NUDCD3: variants seen among roughly 807,000 people sequenced by gnomAD.
The protein encoded by NUDCD3 is nudC domain-containing protein 3.
Under a neutral mutation model 39.7 loss-of-function variants are expected in NUDCD3, and 13 were observed. The observed-to-expected ratio is 0.33, with a 90% CI of 0.21 to 0.52. The LOEUF (loss-of-function observed/expected upper bound fraction) is 0.52. NUDCD3 is among the 20% of genes least tolerant of loss of function. The probability of loss-of-function intolerance (pLI) is 0.96; values close to 1 mark genes in which losing one functional copy is unlikely to be tolerated. For missense variants in NUDCD3, 453 were observed against 458.1 expected (o/e 0.99, Z 0.10); for synonymous variants, 175 against 172.4 (o/e 1.02, Z -0.12).
chr7:44,429,778 T>C (rs973519478), intron 2 of NUDCD3, among the ~76,000 whole-genome samples: 1 of 152,078 alleles, frequency 6.6e-6, no homozygotes, highest in Non-Finnish European at 1.5e-5. Context: ...AACCAGGAGT[T>C]ACATAGGATT....
rs1031929217 is a variant in NUDCD3 at position 44,447,539 on chromosome 7, G to A, written c.510-19836C>T. Among the ~76,000 whole-genome samples, 55 of 152,198 alleles carry A rather than the reference G, an allele frequency of 3.6e-4. 1 individual carries two copies. The highest frequency in any genetic ancestry group is 1.3e-3 in the African/African-American group (54 of 41,456). ...TCCCCTTCTGTCCCTGTCACCACGT[G>A]AGGACACAGCATTCCACCCCTCCAA... On this transcript the variant is annotated intron_variant, in intron 2 of 5. Coordinates refer to ENST00000355451, the MANE Select transcript of NUDCD3 (RefSeq NM_015332.4).
At chr7:44,392,725 G>A (rs1193039791) in intron 4 of NUDCD3, among the ~76,000 whole-genome samples, 1 of 152,082 alleles carries the variant, frequency 6.6e-6, no homozygotes, top group African/African-American at 2.4e-5. Context: ...CATACCTGAG[G>A]GGACTGACAT....
intron 2 of NUDCD3, among the ~76,000 whole-genome samples, chr7:44,433,446 T>TTG (rs1413159803): frequency 6.6e-6 from 1 of 151,818 alleles, no homozygotes; most frequent in Non-Finnish European, 1.5e-5. Flanking sequence ...TGTGTGCAGT[T>TTG]TGTGTGTGTG....
chr7:44,404,505 T>C lies in NUDCD3; in HGVS notation c.721A>G (p.Lys241Glu). ...ENGERVLMEG[K>E]LTHKINTESS... ...TCAGTGTTGATCTTGTGGGTGAGCT[T>C]CCCTTCCATGAGGACGCGCTCCCCA... Residue 241 changes from lysine (K) to glutamate (E), a missense_variant, in exon 4 of 6, where the codon AAG (lysine) becomes GAG (glutamate). Physicochemically the swap from Lys to Glu is moderately conservative, Grantham distance 56 (BLOSUM62 1). Transcript: ENST00000355451. 6.2e-7 allele frequency: 1 copy of C among 1,613,928 alleles called. No homozygotes were observed. Among genetic ancestry groups the C allele is most frequent in the Non-Finnish European group, 8.5e-7 (1 of 1,179,974 alleles).
chr7:44,420,082 A>C (rs1261791149), intron 3 of NUDCD3, among the ~76,000 whole-genome samples: 2 of 152,106 alleles, frequency 1.3e-5, no homozygotes, highest in Non-Finnish European at 2.9e-5. Flanking sequence ...AACCCAATGC[A>C]AAAAAGCTAA....
At chr7:44,397,151 G>A (rs1482516772) in intron 4 of NUDCD3, among the ~76,000 whole-genome samples, 1 of 152,166 alleles carries the variant, frequency 6.6e-6, no homozygotes, top group Non-Finnish European at 1.5e-5. Context: ...TCCGTGTCCA[G>A]AATGTCACAT....
At chr7:44,442,960 C>T (rs1799619470) in intron 2 of NUDCD3, among the ~76,000 whole-genome samples, 1 of 152,086 alleles carries the variant, frequency 6.6e-6, no homozygotes, top group African/African-American at 2.4e-5. Context: ...CCTTGGCCTC[C>T]CAAAGTGCTG....
chr7:44,426,263 G>A, intron 3 of NUDCD3: 2 of 639,930 alleles, frequency 3.1e-6, no homozygotes, highest in Non-Finnish European at 3.9e-6. Flanking sequence ...TGTTCCCTGA[G>A]GAGGCATAAA....
intron 2 of NUDCD3, among the ~76,000 whole-genome samples, chr7:44,446,921 T>C (rs570928917): frequency 1.5e-4 from 23 of 152,370 alleles, no homozygotes; most frequent in African/African-American, 5.3e-4. Context: ...GCAATGTTCA[T>C]TACATTCATT....
chr7:44,451,221 A>C (rs1455283612), intron 2 of NUDCD3, among the ~76,000 whole-genome samples: 2 of 152,242 alleles, frequency 1.3e-5, no homozygotes, highest in East Asian at 1.9e-4. Flanking sequence ...AAGTGAAATA[A>C]GCCAGGCACA....
intron 2 of NUDCD3, among the ~76,000 whole-genome samples, chr7:44,455,682 G>A (rs1036536058): frequency 2.0e-5 from 3 of 152,182 alleles, no homozygotes; most frequent in Non-Finnish European, 4.4e-5. Flanking sequence ...ACACGTGTAA[G>A]AGCACATAAG....
chr7:44,409,915 G>C (rs1267166378), intron 3 of NUDCD3, among the ~76,000 whole-genome samples: 1 of 151,908 alleles, frequency 6.6e-6, no homozygotes, highest in Non-Finnish European at 1.5e-5. Flanking sequence ...TCATGAAAGG[G>C]GCTCAAAACC....
chr7:44,486,916 T>C (rs920687776), intron 1 of NUDCD3, among the ~76,000 whole-genome samples: 3 of 152,120 alleles, frequency 2.0e-5, no homozygotes, highest in East Asian at 1.9e-4. Flanking sequence ...TCACAGAACA[T>C]AGGGCTGGAA....
chr7:44,398,551 C>T (rs1409416159), intron 4 of NUDCD3, among the ~76,000 whole-genome samples: 2 of 152,174 alleles, frequency 1.3e-5, no homozygotes, highest in African/African-American at 4.8e-5. Flanking sequence ...AACAGTGTTC[C>T]CAAAATGTCC....
In NUDCD3 at chr7:44,427,598, T is replaced by C; in HGVS notation, c.615A>G (p.Val205=). The C allele has an allele frequency of 6.2e-7, 1 of 1,613,522 alleles. No homozygotes were observed. Among genetic ancestry groups the C allele is most frequent in the African/African-American group, 1.3e-5 (1 of 74,964 alleles). ...GCTTTCCCTTCACCACGTGCTTGGG[T>C]ACTGGCACCCTGACCTCCAGGTCAG... ...DYTDLEVRVP[V]PKHVVKGKQV... The change falls in exon 3 of 6, where the codon GTA becomes GTG. Residue 205 remains valine (V), a synonymous_variant. Transcript: ENST00000355451.
chr7:44,451,685 T>C (rs1799796578), intron 2 of NUDCD3, among the ~76,000 whole-genome samples: 1 of 152,154 alleles, frequency 6.6e-6, no homozygotes. Flanking sequence ...GTGATGACTG[T>C]TCATTAGCTT....
chr7:44,453,651 A>G (rs1416827175), intron 2 of NUDCD3, among the ~76,000 whole-genome samples: 2 of 152,202 alleles, frequency 1.3e-5, no homozygotes, highest in African/African-American at 2.4e-5. Context: ...GTAATATCTG[A>G]CACAAACAAC....
At chr7:44,466,639 T>C (rs1165843216) in intron 2 of NUDCD3, among the ~76,000 whole-genome samples, 1 of 152,204 alleles carries the variant, frequency 6.6e-6, no homozygotes, top group Non-Finnish European at 1.5e-5. Flanking sequence ...CTAGGAGAAC[T>C]TGAGCATCCA....
At chr7:44,453,128 G>A (rs1018290164) in intron 2 of NUDCD3, among the ~76,000 whole-genome samples, 2 of 152,132 alleles carry the variant, frequency 1.3e-5, no homozygotes, top group African/African-American at 2.4e-5. Context: ...TGAGGGGGGC[G>A]GATCACCTGA....
Sources: allele counts gnomAD v4.1 joint callset (sites outside exome capture counted in the v4.1 genomes callset), GRCh38; gene constraint gnomAD v4.1.1; transcripts MANE v1.5; gene names NCBI Gene and HGNC (gene_info 2026-07-23, HGNC 2026-07-21).